IGSF10: variants seen among roughly 807,000 people sequenced by gnomAD.
The protein encoded by IGSF10 is immunoglobulin superfamily member 10.
In IGSF10, 126 loss-of-function variants were observed where a neutral mutation model predicts 128.2. The observed-to-expected ratio is 0.98, with a 90% CI of 0.85 to 1.14. The LOEUF (loss-of-function observed/expected upper bound fraction) is 1.14. Ranked by LOEUF, IGSF10 falls within the 50% of genes most tolerant of loss-of-function variation. IGSF10 has a pLI of 0.00. For synonymous variants in IGSF10, 1,185 were observed against 1,146.2 expected, an observed-to-expected ratio of 1.03 and a Z score of -0.68; for missense variants, 3,295 against 3,149.8, an observed-to-expected ratio of 1.05 and a Z score of -1.10.
At chr3:151,564,781 G>A in the IGSF10 span, among the ~76,000 whole-genome samples, 1 of 152,086 alleles carries the variant, frequency 6.6e-6, no homozygotes, top group South Asian at 2.1e-4. Flanking sequence ...GTGAGTTACC[G>A]GTGAATCAAT....
chr3:151,447,805 G>A lies in IGSF10; in HGVS notation c.2176C>T (p.Leu726Phe), dbSNP rs138481443. 6.2e-6 allele frequency: 10 copies of A among 1,614,190 alleles called. No individual in the cohort carries two copies. The highest frequency in any genetic ancestry group is 8.5e-6 in the Non-Finnish European group (10 of 1,180,042). The change falls in exon 6 of 8, where the codon CTC becomes TTC. Residue 726 changes from leucine (L) to phenylalanine (F), a missense_variant. By Grantham distance (22) the Leu-to-Phe change is conservative. Coordinates refer to ENST00000282466, the MANE Select transcript of IGSF10 (RefSeq NM_178822.5). The stretch of plus-strand genomic sequence containing the variant: ...TGTGTTGAATCTCCACGTCGCTGGA[G>A]TGTTAATTCCCGATAGTTGTGCCTC... ...SKRHNYRELT[L>F]QRRGDSTHRR...
the IGSF10 span, among the ~76,000 whole-genome samples, chr3:151,547,985 A>C: frequency 1.3e-5 from 2 of 152,170 alleles, no homozygotes; most frequent in Admixed American, 1.3e-4. Context: ...GTTGCAAAAT[A>C]TCTTTGTCTC....
At chr3:151,542,283 A>G in the IGSF10 span, among the ~76,000 whole-genome samples, 1 of 152,200 alleles carries the variant, frequency 6.6e-6, no homozygotes. Flanking sequence ...AATATTGGAC[A>G]TAATATAAGA....
At chr3:151,509,336 T>A in the IGSF10 span, among the ~76,000 whole-genome samples, 7 of 152,356 alleles carry the variant, frequency 4.6e-5, no homozygotes, top group Non-Finnish European at 1.0e-4. Context: ...TCAAATTACC[T>A]ATGATAACCC....
the IGSF10 span, among the ~76,000 whole-genome samples, chr3:151,497,577 A>G: frequency 6.6e-6 from 1 of 152,184 alleles, no homozygotes; most frequent in African/African-American, 2.4e-5. Context: ...TGGTTACTGT[A>G]GCCTTGTAGT....
At chr3:151,493,203 A>T in the IGSF10 span, among the ~76,000 whole-genome samples, 1 of 152,176 alleles carries the variant, frequency 6.6e-6, no homozygotes, top group Admixed American at 6.5e-5. Flanking sequence ...TGTAGAATGA[A>T]CAAGTGATCT....
At chr3:151,434,418 C>T (rs531016986), downstream of IGSF10, 2 of 152,312 alleles carry the variant, frequency 1.3e-5, no homozygotes, top group South Asian at 4.1e-4. Flanking sequence ...GAAAATATTT[C>T]ACTCCAGCCT....
the IGSF10 span, among the ~76,000 whole-genome samples, chr3:151,608,384 A>G: frequency 6.6e-6 from 1 of 152,212 alleles, no homozygotes; most frequent in Non-Finnish European, 1.5e-5. Flanking sequence ...CATAAAACTG[A>G]GATAATGTAG....
At position 151,443,817 on chromosome 3, in the gene IGSF10, G is replaced by T. The variant is rs764699749; in HGVS notation, c.5130C>A (p.Ile1710=). The T allele has an allele frequency of 6.2e-7, 1 of 1,614,086 alleles. No individual in the cohort carries two copies. Among genetic ancestry groups the T allele is most frequent in the South Asian group, 1.1e-5 (1 of 91,086 alleles). The part of the protein sequence containing the change: ...VQVLPNGTLS[I]QRVEIQDRGQ... ...CGCGGTCCTGAATTTCCACCCTCTG[G>T]ATGGACAGGGTACCATTGGGGAGAA... is the stretch of plus-strand genomic sequence containing the variant. Residue 1710 remains isoleucine, a synonymous_variant, in exon 7 of 8, where the codon ATC becomes ATA. Transcript: ENST00000282466.
the IGSF10 span, among the ~76,000 whole-genome samples, chr3:151,514,442 T>G: frequency 6.6e-6 from 1 of 152,222 alleles, no homozygotes; most frequent in South Asian, 2.1e-4. Flanking sequence ...ACTGGATCCC[T>G]TCTGTGCACC....
chr3:151,433,469 GTTTC>G (rs1360760734), downstream of IGSF10: 3 of 152,592 alleles, frequency 2.0e-5, no homozygotes, highest in Non-Finnish European at 4.4e-5. Flanking sequence ...CTAAACCAAG[GTTTC>G]TTTGAGAGCC....
chr3:151,463,536 T>TGTTTTTTTTG (rs1560185502), upstream of IGSF10, among the ~76,000 whole-genome samples: 10 of 14,290 alleles, frequency 7.0e-4, no homozygotes, highest in African/African-American at 3.1e-3. Flanking sequence ...TTTTTTTTTT[T>TGTTTTTTTTG]TTTTTTTTTT....
the IGSF10 span, among the ~76,000 whole-genome samples, chr3:151,546,040 CACA>C: frequency 2.7e-5 from 3 of 109,512 alleles, no homozygotes; most frequent in African/African-American, 3.7e-5. Flanking sequence ...CATATGTGGC[CACA>C]AAAAAAAAAA....
the IGSF10 span, among the ~76,000 whole-genome samples, chr3:151,497,197 A>G: frequency 6.6e-6 from 1 of 152,034 alleles, no homozygotes; most frequent in Non-Finnish European, 1.5e-5. Flanking sequence ...CCATTTGTCA[A>G]TTTTGGCTTT....
the IGSF10 span, among the ~76,000 whole-genome samples, chr3:151,520,478 C>T: frequency 6.6e-6 from 1 of 151,626 alleles, no homozygotes; most frequent in Non-Finnish European, 1.5e-5. Flanking sequence ...AAAAACCATA[C>T]TGTTTATACA....
chr3:151,492,949 C>CATGCCTATATATGT, the IGSF10 span, among the ~76,000 whole-genome samples: 1 of 151,860 alleles, frequency 6.6e-6, no homozygotes, highest in Non-Finnish European at 1.5e-5. Flanking sequence ...CCTATATATG[C>CATGCCTATATATGT]ATATGTATAT....
At chr3:151,449,323 C>T (rs1721398941) in intron 5 of IGSF10, 58 bp from the exon 6 acceptor site, 1 of 1,421,654 alleles carries the variant, frequency 7.0e-7, no homozygotes, top group Non-Finnish European at 9.4e-7. Flanking sequence ...TTGACACAAA[C>T]ATTTTGAAGA....
At chr3:151,515,300 G>C in the IGSF10 span, among the ~76,000 whole-genome samples, 3 of 151,808 alleles carry the variant, frequency 2.0e-5, no homozygotes, top group African/African-American at 7.3e-5. Context: ...AAAAAATGAT[G>C]AGTTCATGTC....
the IGSF10 span, among the ~76,000 whole-genome samples, chr3:151,481,443 C>G: frequency 6.6e-6 from 1 of 152,112 alleles, no homozygotes; most frequent in Non-Finnish European, 1.5e-5. Context: ...TTGAAGCGGT[C>G]CTAAATTCAA....
Sources: allele counts gnomAD v4.1 joint callset (sites outside exome capture counted in the v4.1 genomes callset), GRCh38; gene constraint gnomAD v4.1.1; transcripts MANE v1.5; gene names NCBI Gene and HGNC (gene_info 2026-07-23, HGNC 2026-07-21).